The following HSF2 variants were observed in gnomAD, a reference collection of about 807,000 sequenced individuals.
HSF2 encodes heat shock factor protein 2.
Under a neutral mutation model 65.0 loss-of-function variants are expected in HSF2, and 21 were observed. The observed-to-expected ratio is 0.32, with a 90% CI of 0.23 to 0.47. HSF2 has a LOEUF of 0.47. Among genes scored for constraint, HSF2 ranks in the 20% least tolerant of loss-of-function variants. HSF2 has a pLI of 1.00. For synonymous variants in HSF2, 225 were observed against 219.1 expected (o/e 1.03, Z -0.24); for missense variants, 499 against 628.1 (o/e 0.79, Z 2.20).
At chr6:122,399,900 G>T in intron 1 of HSF2, 70 bp downstream of exon 1, 7 of 1,198,938 alleles carry the variant, frequency 5.8e-6, no homozygotes, top group Non-Finnish European at 7.4e-6. Context: ...CCTGCGGGGT[G>T]GTCTCTCGCG....
Position 122,431,950 on chromosome 6 carries a change from CT to C in HSF2, c.1344del (p.Pro449HisfsTer29). 6.2e-7 allele frequency: 1 copy of C among 1,613,938 alleles called. No individual in the cohort carries two copies. The highest frequency in any genetic ancestry group is 8.5e-7 in the Non-Finnish European group (1 of 1,179,902). On this transcript the variant is annotated frameshift_variant, in exon 13 of 13. Coordinates refer to ENST00000368455, the MANE Select transcript of HSF2 (RefSeq NM_004506.4). LOFTEE classifies it high-confidence loss of function. ...PDKQLIQYTA[F>X]PLLAFLDGNP... ...ATAAGCAGCTTATCCAGTATACCGC[CT>C]TTCCACTTCTTGCATTCCTCGATGG...
intron 1 of HSF2, among the ~76,000 whole-genome samples, chr6:122,411,996 T>C (rs1257407915): frequency 6.6e-6 from 1 of 151,942 alleles, no homozygotes; most frequent in Non-Finnish European, 1.5e-5. Flanking sequence ...GTACTTCCTC[T>C]CAAAATCTTT....
intron 1 of HSF2, among the ~76,000 whole-genome samples, chr6:122,404,582 T>C (rs1230392214): frequency 6.7e-6 from 1 of 149,398 alleles, no homozygotes; most frequent in Non-Finnish European, 1.5e-5. Context: ...TTGAGTGTTC[T>C]AACAAGAGTG....
rs758760274 is a variant in HSF2 at position 122,412,668 on chromosome 6, T to G, written c.234T>G (p.Ser78=). The change falls in exon 3 of 13, where the codon TCT becomes TCG. Residue 78 remains serine (S), a synonymous_variant. Transcript: ENST00000368455. The part of the protein sequence containing the change: ...YGFRKVVHID[S]GIVKQERDGP... ...TCCGTAAAGTAGTACATATCGACTCTGGAATTGTAAAGCAAGAAAGAGATG... is the reference window on the plus strand; with the variant it reads ...TCCGTAAAGTAGTACATATCGACTCGGGAATTGTAAAGCAAGAAAGAGATG... 6.2e-7 allele frequency: 1 copy of G among 1,612,276 alleles called. No individual in the cohort carries two copies. Among genetic ancestry groups the G allele is most frequent in the African/African-American group, 1.3e-5 (1 of 74,870 alleles).
chr6:122,429,884 A>G (rs1030543955), intron 11 of HSF2, among the ~76,000 whole-genome samples: 1 of 152,072 alleles, frequency 6.6e-6, no homozygotes, highest in African/African-American at 2.4e-5. Context: ...GATAAGCTTT[A>G]TGATGTGCTG....
intron 6 of HSF2, among the ~76,000 whole-genome samples, chr6:122,419,875 G>A (rs1479647871): frequency 1.3e-5 from 2 of 152,224 alleles, no homozygotes; most frequent in African/African-American, 4.8e-5. Context: ...GGTTCGGTAA[G>A]CAATGAAGTA....
intron 7 of HSF2, among the ~76,000 whole-genome samples, chr6:122,421,007 T>C (rs1774223360): frequency 1.3e-5 from 2 of 151,932 alleles, no homozygotes; most frequent in Non-Finnish European, 2.9e-5. Context: ...CCACTGCACC[T>C]GGCTTACTCA....
chr6:122,432,268 A>G lies in HSF2; in HGVS notation c.*48A>G, dbSNP rs775447018. On this transcript the variant is annotated 3_prime_UTR_variant, in exon 13 of 13. Transcript: ENST00000368455. ...ATGTATATATTCATCAAAATGATGAACTATTTATTTTAAAGTATCATTTGG... is the reference window on the plus strand; with the variant it reads ...ATGTATATATTCATCAAAATGATGAGCTATTTATTTTAAAGTATCATTTGG... The G allele has an allele frequency of 2.1e-6, 3 of 1,411,872 alleles. No individual in the cohort carries two copies. The highest frequency in any genetic ancestry group is 1.3e-5 in the South Asian group (1 of 76,232). The allele number at this position is 1,411,872 out of a possible 1,614,324, so 87.5% of individuals were successfully genotyped here. A position where few individuals can be genotyped will look rare whatever the true frequency, so the allele number is the denominator to read the frequency against.
intron 8 of HSF2, 122 bp from the exon 9 acceptor site, chr6:122,422,596 T>C (rs1231945658): frequency 1.5e-5 from 15 of 1,009,428 alleles, no homozygotes; most frequent in Non-Finnish European, 2.1e-5. Context: ...AGCTGCTCGC[T>C]CAAGAAATTT....
At chr6:122,409,428 A>G (rs1030346457) in intron 1 of HSF2, among the ~76,000 whole-genome samples, 1 of 151,986 alleles carries the variant, frequency 6.6e-6, no homozygotes, top group Non-Finnish European at 1.5e-5. Flanking sequence ...ATGGTCCTGA[A>G]TTGGAGAAGG....
chr6:122,420,696 A>ATTTTTTTTTT (rs1353831309), intron 7 of HSF2, among the ~76,000 whole-genome samples: 13 of 20,386 alleles, frequency 6.4e-4, no homozygotes, highest in South Asian at 1.7e-3. Flanking sequence ...TAGTTTATTC[A>ATTTTTTTTTT]TTTCTTTTTT....
rs1448567132 is a variant in HSF2 at position 122,431,996 on chromosome 6, G to A, written c.1387G>A (p.Glu463Lys). The A allele has an allele frequency of 6.2e-7, 1 of 1,613,828 alleles. No individual in the cohort carries two copies. The highest frequency in any genetic ancestry group is 1.3e-5 in the African/African-American group (1 of 74,862). The stretch of plus-strand genomic sequence containing the variant: ...CGATGGGAACCCTGCTTCTTCTGTT[G>A]AACAGGCGAGTACAACAGCATCATC... The part of the protein sequence containing the change: ...FLDGNPASSV[E>K]QASTTASSEV... Residue 463 changes from glutamate to lysine, a missense_variant, in exon 13 of 13, where the codon GAA becomes AAA. Glu to Lys is a moderately conservative substitution (Grantham distance 56). This residue lies in a region of HSF2 where 349 missense variants were observed against 393.5 expected (regional missense o/e 0.89). Coordinates refer to ENST00000368455, the MANE Select transcript of HSF2 (RefSeq NM_004506.4).
rs139599852 is a variant in HSF2, at chr6:122,412,381, A to C, written c.102A>C (p.Gln34His). ...TTTTTTTCCCCTTGCAGAATGGCCA[A>C]AGTTTTCTGGTCTTGGATGAGCAAC... ...NEFITWSQNG[Q>H]SFLVLDEQRF... Residue 34 changes from glutamine to histidine, a missense_variant, in exon 2 of 13, where the codon CAA becomes CAC. Physicochemically the swap from Gln to His is conservative, Grantham distance 24. Around this residue, in one of 2 missense-constraint regions of HSF2, gnomAD observed 150 missense variants for 234.6 expected, o/e 0.64. Transcript: ENST00000368455. The C allele has an allele frequency of 6.8e-6, 11 of 1,607,332 alleles. No individual in the cohort carries two copies. The African/African-American group carries it at 1.2e-4, about 18-fold the overall frequency.
chr6:122,412,432 A>G lies in HSF2; in HGVS notation c.153A>G (p.Lys51=), dbSNP rs1774020955. ...EQRFAKEILP[K]YFKHNNMASF... The stretch of plus-strand genomic sequence containing the variant: ...GATTTGCAAAAGAAATTCTTCCCAA[A>G]TATTTCAAGCACAATAATATGGCAA... The change falls in exon 2 of 13, where the codon AAA becomes AAG. Residue 51 remains lysine, a synonymous_variant. Transcript: ENST00000368455. 2.5e-6 allele frequency: 4 copies of G among 1,613,016 alleles called. No homozygotes were observed. The highest frequency in any genetic ancestry group is 3.4e-6 in the Non-Finnish European group (4 of 1,179,206).
chr6:122,423,001 T>C (rs754527650), intron 9 of HSF2, 44 bp downstream of exon 9: 2 of 1,602,146 alleles, frequency 1.2e-6, no homozygotes, highest in Non-Finnish European at 1.7e-6. Flanking sequence ...TTGCTTTCTT[T>C]GTTCACTTCA....
chr6:122,408,494 C>A (rs914065854), intron 1 of HSF2, among the ~76,000 whole-genome samples: 1 of 151,958 alleles, frequency 6.6e-6, no homozygotes, highest in East Asian at 1.9e-4. Flanking sequence ...CCTTGTGGAT[C>A]TTTGTTCATT....
chr6:122,425,071 G>A (rs1376524172), intron 10 of HSF2, among the ~76,000 whole-genome samples: 2 of 151,802 alleles, frequency 1.3e-5, no homozygotes, highest in Non-Finnish European at 2.9e-5. Context: ...CTTTGCCTCT[G>A]TATTTGTCTC....
intron 7 of HSF2, among the ~76,000 whole-genome samples, chr6:122,420,604 A>G (rs1291615261): frequency 7.2e-6 from 1 of 138,096 alleles, no homozygotes; most frequent in Non-Finnish European, 1.5e-5. Flanking sequence ...CATATAAATA[A>G]TATCATTTTG....
chr6:122,416,192 GT>G (rs1562201746), intron 4 of HSF2, 28 bp from the exon 5 acceptor site: 1 of 1,379,378 alleles, frequency 7.2e-7, no homozygotes, highest in South Asian at 1.2e-5. Context: ...TTTTTTTTTT[GT>G]TTTGTTGCTT....
Sources: allele counts gnomAD v4.1 joint callset (sites outside exome capture counted in the v4.1 genomes callset), GRCh38; gene constraint gnomAD v4.1.1; regional missense constraint gnomAD v4.1.1; transcripts MANE v1.5; gene names NCBI Gene and HGNC (gene_info 2026-07-23, HGNC 2026-07-21).